Variants in GAB1 observed in about 807,000 individuals in gnomAD.
The protein encoded by GAB1 is GRB2-associated-binding protein 1.
Under a neutral mutation model 66.5 loss-of-function variants are expected in GAB1, and 19 were observed. That is an observed-to-expected ratio of 0.29 (90% confidence interval 0.20 to 0.42). The LOEUF is 0.42. Ranked by LOEUF, GAB1 falls within the 10% of genes least tolerant of loss-of-function variation. The pLI is 1.00. For missense variants in GAB1, 732 were observed against 858.5 expected, an observed-to-expected ratio of 0.85 and a Z score of 1.84; for synonymous variants, 294 against 301.4, an observed-to-expected ratio of 0.98 and a Z score of 0.25.
chr4:143,468,268 G>A (rs1486985790), intron 9 of GAB1, among the ~76,000 whole-genome samples: 1 of 130,680 alleles, frequency 7.7e-6, no homozygotes, highest in Non-Finnish European at 1.5e-5. Context: ...AGGCTGCAGT[G>A]CAGTGGCACG....
chr4:143,408,068 CT>C (rs1732157486), intron 1 of GAB1, among the ~76,000 whole-genome samples: 1 of 152,112 alleles, frequency 6.6e-6, no homozygotes, highest in African/African-American at 2.4e-5. Flanking sequence ...GTTTAACCCC[CT>C]AAGTGCCAGT....
intron 1 of GAB1, chr4:143,349,823 C>A: frequency 2.5e-6 from 4 of 1,584,792 alleles, no homozygotes; most frequent in Non-Finnish European, 2.6e-6. Context: ...TGCTTCTGCA[C>A]TGGCATAATC....
chr4:143,337,021 C>G lies in GAB1; in HGVS notation c.-168C>G. 3.2e-6 allele frequency: 2 copies of G among 615,492 alleles called. No homozygotes were observed. Among genetic ancestry groups the G allele is most frequent in the South Asian group, 2.1e-5 (1 of 48,222 alleles). The allele number at this position is 615,492 out of a possible 1,614,324, so 38.1% of individuals were successfully genotyped here. On this transcript the variant is annotated 5_prime_UTR_variant, in exon 1 of 10. Transcript: ENST00000262994. ...TTCGTGGGCCTGCAGAGGAGAGACT[C>G]GAACTCGTGGAACCCGCGCACCGTG...
At chr4:143,418,794 T>G (rs898198361) in intron 2 of GAB1, among the ~76,000 whole-genome samples, 2 of 152,212 alleles carry the variant, frequency 1.3e-5, no homozygotes, top group Non-Finnish European at 2.9e-5. Context: ...TGAAGCCTAT[T>G]CAAGGGTGGG....
intron 1 of GAB1, among the ~76,000 whole-genome samples, chr4:143,381,438 C>T (rs987949003): frequency 3.3e-5 from 5 of 152,084 alleles, no homozygotes; most frequent in East Asian, 1.9e-4. Context: ...ATGGTATCAC[C>T]GGCTGTAGTG....
In GAB1 at chr4:143,473,529, G is replaced by T. The variant is rs768723081; in HGVS notation, c.*4340G>T. The T allele has an allele frequency of 1.3e-5, 2 of 152,074 alleles. No individual in the cohort carries two copies. 9.4% of individuals were successfully genotyped at this position (152,074 alleles called of 1,614,324 possible). A position where few individuals can be genotyped will look rare whatever the true frequency, so the allele number is the denominator to read the frequency against. ...AGTCATGATCCTCTCTAAGTAAATA[G>T]AAAAAGCTCCCTGGAAAAACTCTGT... On this transcript the variant is annotated 3_prime_UTR_variant, in exon 10 of 10. Transcript: ENST00000262994.
intron 2 of GAB1, among the ~76,000 whole-genome samples, chr4:143,420,011 T>G (rs1332575658): frequency 6.6e-6 from 1 of 152,176 alleles, no homozygotes; most frequent in African/African-American, 2.4e-5. Flanking sequence ...ATCATATTCA[T>G]ACAGTTTAAT....
rs775323954 is a variant in GAB1, at chr4:143,438,188, G to T, written c.783G>T (p.Leu261=). The change falls in exon 4 of 10, where the codon CTG becomes CTT. Residue 261 remains leucine, a synonymous_variant. Transcript: ENST00000262994. ...CAGTTGACTCCAGCCTTTATAACCT[G>T]CCCAGGAGTTATTCCCATGATGTTT... is the stretch of plus-strand genomic sequence containing the variant. ...SASVDSSLYN[L]PRSYSHDVLP... is the part of the protein sequence containing the mutation. 16 of 1,613,782 alleles carry T rather than the reference G, an allele frequency of 9.9e-6. No individual in the cohort carries two copies. The East Asian group carries it at 2.7e-4, about 27-fold the overall frequency.
At chr4:143,454,754 G>GAC (rs1735093374) in intron 6 of GAB1, among the ~76,000 whole-genome samples, 1 of 152,180 alleles carries the variant, frequency 6.6e-6, no homozygotes, top group Non-Finnish European at 1.5e-5. Context: ...CAACAAGAAT[G>GAC]ACCCAATTTG....
intron 1 of GAB1, among the ~76,000 whole-genome samples, chr4:143,366,644 C>T (rs777201493): frequency 4.7e-4 from 71 of 152,078 alleles, no homozygotes; most frequent in Non-Finnish European, 7.6e-4. Context: ...TACATACATA[C>T]GCAGGCACAC....
In GAB1 at chr4:143,383,355, A is replaced by G. The variant is rs915522674; in HGVS notation, c.73-32122A>G. ...CACAGAATAACTTGTGCTGTTTCCA[A>G]AACCACATTCTTTGTCCTCTTATAG... On this transcript the variant is annotated intron_variant, in intron 1 of 9. Transcript: ENST00000262994. Among the ~76,000 whole-genome samples the G allele has an allele frequency of 2.6e-5, 4 of 152,236 alleles. No homozygotes were observed. The East Asian group carries it at 7.7e-4, about 29-fold the overall frequency.
chr4:143,469,670 C>G lies in GAB1; in HGVS notation c.*481C>G, dbSNP rs554413106. The G allele has an allele frequency of 1.0e-4, 16 of 160,614 alleles. No homozygotes were observed. In the East Asian group the frequency reaches 2.7e-3, roughly 27 times the overall value. 9.9% of individuals were successfully genotyped at this position (160,614 alleles called of 1,614,324 possible). A position where few individuals can be genotyped will look rare whatever the true frequency, so the allele number is the denominator to read the frequency against. On this transcript the variant is annotated 3_prime_UTR_variant, in exon 10 of 10. Transcript: ENST00000262994. ...TCACAAGTTAGCTTTCTACCTGAAGCTTCAGGTGATAACCATTAGCTTATA... is the reference window on the plus strand; with the variant it reads ...TCACAAGTTAGCTTTCTACCTGAAGGTTCAGGTGATAACCATTAGCTTATA...
At chr4:143,365,910 T>A (rs1729864595) in intron 1 of GAB1, among the ~76,000 whole-genome samples, 1 of 152,214 alleles carries the variant, frequency 6.6e-6, no homozygotes. Flanking sequence ...AAATGAACAA[T>A]AAGCCATTTT....
intron 7 of GAB1, among the ~76,000 whole-genome samples, chr4:143,459,917 G>A (rs554534910): frequency 1.4e-4 from 22 of 152,146 alleles, no homozygotes; most frequent in African/African-American, 5.1e-4. Flanking sequence ...TTGAAAATAT[G>A]GTAGTCTCTT....
At chr4:143,365,944 A>C (rs1729866030) in intron 1 of GAB1, among the ~76,000 whole-genome samples, 1 of 152,222 alleles carries the variant, frequency 6.6e-6, no homozygotes, top group Admixed American at 6.5e-5. Flanking sequence ...CAGAGGCAGA[A>C]GTCTTTCTTT....
chr4:143,395,945 C>A (rs752182727), intron 1 of GAB1: 3 of 455,608 alleles, frequency 6.6e-6, no homozygotes, highest in Non-Finnish European at 1.3e-5. Context: ...GTGTGCCAGT[C>A]TTGTCAGCAC....
chr4:143,374,526 G>A (rs543507342), intron 1 of GAB1, among the ~76,000 whole-genome samples: 4 of 152,222 alleles, frequency 2.6e-5, no homozygotes, highest in South Asian at 2.1e-4. Context: ...GAATGTGTTC[G>A]GTGTGTATTT....
At chr4:143,394,492 A>G (rs1220554160) in intron 1 of GAB1, among the ~76,000 whole-genome samples, 1 of 152,196 alleles carries the variant, frequency 6.6e-6, no homozygotes, top group African/African-American at 2.4e-5. Context: ...ATCATCAAGT[A>G]ATATTAACTG....
In GAB1 at chr4:143,381,724, C is replaced by G. The variant is rs183586425; in HGVS notation, c.73-33753C>G. 1.1e-4 allele frequency among the ~76,000 whole-genome samples: 16 copies of G among 152,258 alleles called. No homozygotes were observed. The East Asian group carries it at 3.1e-3, about 29-fold the overall frequency. ...CGTTTTTTAAAATCGTGTGGAATGA[C>G]TATAGGCATTATAAAGACAACTGAA... On this transcript the variant is annotated intron_variant, in intron 1 of 9. Transcript: ENST00000262994.
Sources: allele counts gnomAD v4.1 joint callset (sites outside exome capture counted in the v4.1 genomes callset), GRCh38; gene constraint gnomAD v4.1.1; transcripts MANE v1.5; gene names NCBI Gene and HGNC (gene_info 2026-07-23, HGNC 2026-07-21).